Variants in FANCB observed in about 807,000 individuals in gnomAD.
The protein encoded by FANCB is FA complementation group B.
Under a neutral mutation model 38.9 loss-of-function variants are expected in FANCB, and 5 were observed. The ratio of observed to expected loss-of-function variants is 0.13; its 90% confidence interval spans 0.07 to 0.27. The LOEUF is 0.27. FANCB is among the 10% of genes least tolerant of loss of function. FANCB has a pLI of 1.00. For missense variants in FANCB, 573 were observed against 602.7 expected (o/e 0.95, Z 0.52); for synonymous variants, 236 against 215.4 (o/e 1.10, Z -0.84).
chrX:14,839,977 T>A (rs1601973088), downstream of FANCB, among the ~76,000 whole-genome samples: 1 of 110,556 alleles, frequency 9.0e-6, no homozygotes, highest in African/African-American at 3.3e-5. Flanking sequence ...TGCCTTAGCC[T>A]CCCAAGTAGC....
chrX:14,716,371 T>C, the FANCB span, among the ~76,000 whole-genome samples: 4 of 111,727 alleles, frequency 3.6e-5, no homozygotes, highest in East Asian at 1.1e-3. Context: ...AACCAAAGCC[T>C]TTCAGATTCT....
At chrX:14,852,419 G>A (rs992500844) in intron 6 of FANCB, among the ~76,000 whole-genome samples, 1 of 110,310 alleles carries the variant, frequency 9.1e-6, no homozygotes, top group South Asian at 3.9e-4. Context: ...CGCCCGTCTC[G>A]GCCTCCCAAA....
At chrX:14,854,343 TC>T (rs1457885047) in intron 5 of FANCB, among the ~76,000 whole-genome samples, 1 of 111,723 alleles carries the variant, frequency 9.0e-6, no homozygotes, top group African/African-American at 3.3e-5. Flanking sequence ...TGTTCACTCT[TC>T]CTTCCTCCTT....
chrX:14,721,120 CA>C, the FANCB span, among the ~76,000 whole-genome samples: 2,373 of 71,613 alleles, frequency 0.033, 38 homozygotes, highest in East Asian at 0.21. Flanking sequence ...GACCCTGTCT[CA>C]AAAAAAAAAA....
chrX:14,833,194 T>C (rs2092331672), downstream of FANCB, among the ~76,000 whole-genome samples: 1 of 112,629 alleles, frequency 8.9e-6, no homozygotes, highest in Non-Finnish European at 1.9e-5. Flanking sequence ...GAAATACTTT[T>C]GTACAAAATT....
At chrX:14,865,925 C>G (rs2092467817) in intron 2 of FANCB, among the ~76,000 whole-genome samples, 1 of 111,547 alleles carries the variant, frequency 9.0e-6, no homozygotes, top group Non-Finnish European at 1.9e-5. Flanking sequence ...TGTTTCAAAC[C>G]TAACAACTCT....
At chrX:14,832,269 C>T, downstream of FANCB, among the ~76,000 whole-genome samples, 1 of 111,526 alleles carries the variant, frequency 9.0e-6, no homozygotes, top group Non-Finnish European at 1.9e-5. Context: ...CAATATTTGG[C>T]TTGCAGCTAC....
the FANCB span, among the ~76,000 whole-genome samples, chrX:14,736,599 C>T: frequency 1.1e-4 from 12 of 110,384 alleles, no homozygotes; most frequent in African/African-American, 1.7e-4. Flanking sequence ...TGAGATGAGC[C>T]GGGTACCTCA....
chrX:14,741,503 A>G, the FANCB span, among the ~76,000 whole-genome samples: 1 of 111,487 alleles, frequency 9.0e-6, no homozygotes, highest in African/African-American at 3.3e-5. Context: ...ACTCAGAATA[A>G]ATCGCCCCAG....
At chrX:14,815,303 A>T in the FANCB span, among the ~76,000 whole-genome samples, 1 of 110,506 alleles carries the variant, frequency 9.0e-6, no homozygotes, top group Non-Finnish European at 1.9e-5. Flanking sequence ...CATGTACCCT[A>T]GAACTTAAAG....
chrX:14,742,278 T>C, the FANCB span, among the ~76,000 whole-genome samples: 1 of 111,742 alleles, frequency 8.9e-6, no homozygotes, highest in Non-Finnish European at 1.9e-5. Flanking sequence ...TTCCATATAT[T>C]CTAGGTAGAG....
At chrX:14,867,369 C>T (rs192279367) in intron 2 of FANCB, among the ~76,000 whole-genome samples, 12 of 111,148 alleles carry the variant, frequency 1.1e-4, no homozygotes, top group Admixed American at 1.9e-4. Flanking sequence ...AGCATGGTAC[C>T]GACATAAAAA....
chrX:14,707,593 AAAC>A, the FANCB span, among the ~76,000 whole-genome samples: 7 of 88,143 alleles, frequency 7.9e-5, no homozygotes, highest in South Asian at 8.5e-4. Context: ...AAAAACCAAA[AAAC>A]AACAACAAAG....
chrX:14,710,768 C>T, the FANCB span, among the ~76,000 whole-genome samples: 50,488 of 110,288 alleles, frequency 0.46, 8,999 homozygotes, highest in Non-Finnish European at 0.57. Context: ...CTTTCCTGAA[C>T]TTGGGTCAGC....
chrX:14,871,640 GTA>G (rs751128085), intron 1 of FANCB, among the ~76,000 whole-genome samples: 159 of 73,493 alleles, frequency 2.2e-3, no homozygotes, highest in African/African-American at 7.7e-3. Context: ...GTGTGTGTGT[GTA>G]TATATATATA....
At chrX:14,752,925 C>T in the FANCB span, among the ~76,000 whole-genome samples, 2 of 106,411 alleles carry the variant, frequency 1.9e-5, no homozygotes, top group Non-Finnish European at 1.9e-5. Flanking sequence ...ATAATTCTCT[C>T]CTCCTCCCTC....
chrX:14,828,593 T>C, the FANCB span, among the ~76,000 whole-genome samples: 3 of 112,293 alleles, frequency 2.7e-5, no homozygotes, highest in African/African-American at 6.5e-5. Flanking sequence ...GCTTCACTTC[T>C]AGTGCTAGTT....
At chrX:14,830,770 G>A in the FANCB span, among the ~76,000 whole-genome samples, 2 of 111,469 alleles carry the variant, frequency 1.8e-5, no homozygotes, top group African/African-American at 3.3e-5. Flanking sequence ...CCCATGTGCG[G>A]TGCCTAAATA....
chrX:14,817,032 AG>A, the FANCB span, among the ~76,000 whole-genome samples: 1 of 112,015 alleles, frequency 8.9e-6, no homozygotes, highest in Non-Finnish European at 1.9e-5. Context: ...ATATAGACAC[AG>A]GGAGTCTATT....
Sources: allele counts gnomAD v4.1 joint callset (sites outside exome capture counted in the v4.1 genomes callset), GRCh38; gene constraint gnomAD v4.1.1; transcripts MANE v1.5; gene names NCBI Gene and HGNC (gene_info 2026-07-23, HGNC 2026-07-21).